CFH: variants seen among roughly 807,000 people sequenced by gnomAD.
CFH encodes H factor 1 (complement).
A neutral mutation model predicts 147.3 loss-of-function variants in CFH; 53 were observed. That is an observed-to-expected ratio of 0.36 (90% CI 0.29 to 0.45). The LOEUF (loss-of-function observed/expected upper bound fraction) is 0.45. CFH is among the 20% of genes least tolerant of loss of function. CFH has a pLI of 1.00. For synonymous variants in CFH, 536 were observed against 489.4 expected, an observed-to-expected ratio of 1.10 and a Z score of -1.26; for missense variants, 1,380 against 1,498.0, an observed-to-expected ratio of 0.92 and a Z score of 1.30.
intron 1 of CFH, among the ~76,000 whole-genome samples, chr1:196,671,455 T>C (rs1246789470): frequency 6.6e-6 from 1 of 151,972 alleles, no homozygotes; most frequent in African/African-American, 2.4e-5. Flanking sequence ...CTCAAAAATT[T>C]AACTCAGAGG....
Position 196,689,523 on chromosome 1 carries a change from C to T in CFH, c.1068C>T (p.Tyr356=). The T allele has an allele frequency of 1.9e-6, 3 of 1,613,558 alleles. No homozygotes were observed. The highest frequency in any genetic ancestry group is 1.7e-6 in the Non-Finnish European group (2 of 1,179,682). ...PVAVGKYYSY[Y]CDEHFETPSG... Reference sequence around the variant, plus strand: ...CTGTAGGAAAATATTACTCCTATTACTGTGATGAACATTTTGAGACTCCGT... The same window carrying T: ...CTGTAGGAAAATATTACTCCTATTATTGTGATGAACATTTTGAGACTCCGT... The change falls in exon 8 of 22, where the codon TAC becomes TAT. Residue 356 remains tyrosine (Y), a synonymous_variant. Transcript: ENST00000367429.
intron 9 of CFH, among the ~76,000 whole-genome samples, chr1:196,703,438 A>G (rs1668510035): frequency 6.6e-6 from 1 of 152,138 alleles, no homozygotes; most frequent in African/African-American, 2.4e-5. Context: ...AAGACCAGAA[A>G]TGGTAGCACC....
In CFH at chr1:196,715,616, A is replaced by T. The variant is rs750409718; in HGVS notation, c.1543A>T (p.Met515Leu). The T allele has an allele frequency of 1.2e-6, 2 of 1,612,456 alleles. No individual in the cohort carries two copies. The highest frequency in any genetic ancestry group is 1.7e-6 in the Non-Finnish European group (2 of 1,178,916). Residue 515 changes from methionine (M) to leucine (L), a missense_variant, in exon 11 of 22, where the codon ATG (methionine) becomes TTG (leucine). By Grantham distance (15) the Met-to-Leu change is conservative. Around this residue, in one of 4 missense-constraint regions of CFH, gnomAD observed 830 missense variants for 821.4 expected, o/e 1.01. Transcript: ENST00000367429. The part of the protein sequence containing the change: ...CIKSCDIPVF[M>L]NARTKNDFTW... ...AGAATCTTGTGATATCCCAGTATTTATGAATGCCAGAACTAAAAATGACTT... is the reference window on the plus strand; with the variant it reads ...AGAATCTTGTGATATCCCAGTATTTTTGAATGCCAGAACTAAAAATGACTT...
chr1:196,690,083 T>C lies in CFH; in HGVS notation c.1180T>C (p.Leu394=). 1 of 1,610,064 alleles carries C rather than the reference T, an allele frequency of 6.2e-7. No homozygotes were observed. The highest frequency in any genetic ancestry group is 8.5e-7 in the Non-Finnish European group (1 of 1,176,856). The part of the protein sequence containing the change: ...PCLRKCYFPY[L]ENGYNQNHGR... ...CTTAGGAAAATGTTATTTTCCTTAT[T>C]TGGAAAATGGATATAATCAAAATCA... is the stretch of plus-strand genomic sequence containing the variant. Residue 394 remains leucine, a synonymous_variant, in exon 9 of 22, where the codon TTG becomes CTG. Transcript: ENST00000367429.
intron 10 of CFH, 76 bp downstream of exon 10, chr1:196,713,993 G>A (rs1668785350): frequency 7.8e-7 from 1 of 1,286,920 alleles, no homozygotes; most frequent in South Asian, 1.3e-5. Context: ...TTTTTGTGGG[G>A]GCTGATATAA....
chr1:196,660,062 G>C (rs1666849676), intron 1 of CFH, among the ~76,000 whole-genome samples: 1 of 152,110 alleles, frequency 6.6e-6, no homozygotes, highest in Admixed American at 6.5e-5. Context: ...TAGAGATGGG[G>C]ATGGTAGTAT....
intron 9 of CFH, among the ~76,000 whole-genome samples, chr1:196,703,897 C>T (rs1038873756): frequency 2.4e-4 from 33 of 139,716 alleles, no homozygotes; most frequent in Admixed American, 1.6e-4. Flanking sequence ...GGCAGAAGAA[C>T]GGCGTGAATC....
At chr1:196,691,210 A>G (rs1477112477) in intron 9 of CFH, among the ~76,000 whole-genome samples, 1 of 152,134 alleles carries the variant, frequency 6.6e-6, no homozygotes, top group Non-Finnish European at 1.5e-5. Context: ...ATACAATTAT[A>G]GTTTAAAATA....
intron 5 of CFH, 106 bp downstream of exon 5, chr1:196,677,773 G>A: frequency 9.4e-7 from 1 of 1,068,446 alleles, no homozygotes; most frequent in African/African-American, 1.6e-5. Context: ...AATAGCTAAT[G>A]TTTATTGAGC....
intron 9 of CFH, among the ~76,000 whole-genome samples, chr1:196,703,947 T>C (rs1006189442): frequency 1.7e-5 from 2 of 118,546 alleles, no homozygotes; most frequent in African/African-American, 3.4e-5. Context: ...ATCATGCCAC[T>C]GCACTCCAGC....
chr1:196,719,797 T>A (rs1668956287), intron 11 of CFH, among the ~76,000 whole-genome samples: 1 of 151,762 alleles, frequency 6.6e-6, no homozygotes, highest in Non-Finnish European at 1.5e-5. Context: ...AAATAGTACA[T>A]ATAACAAAAA....
rs1573079762 is a variant in CFH, at chr1:196,740,630, A to C, written c.2794A>C (p.Lys932Gln). ...TCTTTTTTTTTTAGGCCTTCCTTGT[A>C]AATCTCCACCTGAGATTTCTCATGG... ...SPPQCEGLPC[K>Q]SPPEISHGVV... is the part of the protein sequence containing the mutation. Residue 932 changes from lysine (K) to glutamine (Q), a missense_variant, in exon 18 of 22, where the codon AAA becomes CAA. This residue lies in a region of CFH where 830 missense variants were observed against 821.4 expected (regional missense o/e 1.01). Coordinates refer to ENST00000367429, the MANE Select transcript of CFH (RefSeq NM_000186.4). 4 of 1,613,658 alleles carry C rather than the reference A, an allele frequency of 2.5e-6. No homozygotes were observed. The highest frequency in any genetic ancestry group is 3.4e-6 in the Non-Finnish European group (4 of 1,179,850).
At chr1:196,683,630 T>G (rs1227506881) in intron 6 of CFH, among the ~76,000 whole-genome samples, 1 of 151,212 alleles carries the variant, frequency 6.6e-6, no homozygotes, top group Non-Finnish European at 1.5e-5. Flanking sequence ...AGGGAAGGAA[T>G]AAACAATGGT....
chr1:196,702,314 A>G (rs1448305674), intron 9 of CFH, among the ~76,000 whole-genome samples: 1 of 151,982 alleles, frequency 6.6e-6, no homozygotes, highest in East Asian at 1.9e-4. Context: ...TCTTATACCC[A>G]ACAGGGAACT....
At chr1:196,656,235 C>T (rs544496565) in intron 1 of CFH, among the ~76,000 whole-genome samples, 16 of 148,928 alleles carry the variant, frequency 1.1e-4, no homozygotes, top group East Asian at 6.0e-4. Flanking sequence ...ATCAGGGAGG[C>T]GGAGGTTGCA....
rs1223248547 is a variant in CFH, at chr1:196,747,156, C to A, written c.3539C>A (p.Ala1180Glu). 1 of 1,613,718 alleles carries A rather than the reference C, an allele frequency of 6.2e-7. No individual in the cohort carries two copies. ...SREIMENYNI[A>E]LRWTAKQKLY... is the part of the protein sequence containing the mutation. ...GAAATTATGGAAAATTATAACATAG[C>A]ATTAAGGTGGACAGCCAAACAGAAG... is the stretch of plus-strand genomic sequence containing the variant. The change falls in exon 22 of 22, where the codon GCA becomes GAA. Residue 1180 changes from alanine (A) to glutamate (E), a missense_variant. Physicochemically the swap from Ala to Glu is moderately radical, Grantham distance 107 (BLOSUM62 -1). Coordinates refer to ENST00000367429, the MANE Select transcript of CFH (RefSeq NM_000186.4).
intron 18 of CFH, chr1:196,741,117 C>A: frequency 3.2e-6 from 1 of 313,422 alleles, no homozygotes; most frequent in Non-Finnish European, 6.0e-6. Flanking sequence ...CAACAATCTG[C>A]CTATAAGTAC....
chr1:196,723,967 C>A (rs1669064951), intron 11 of CFH, among the ~76,000 whole-genome samples: 1 of 151,994 alleles, frequency 6.6e-6, no homozygotes, highest in African/African-American at 2.4e-5. Context: ...CGTGCCCAAG[C>A]GCTGGGACCA....
At chr1:196,708,856 G>A (rs926316789) in intron 9 of CFH, among the ~76,000 whole-genome samples, 5 of 152,122 alleles carry the variant, frequency 3.3e-5, no homozygotes. Context: ...AATATATCTG[G>A]TGGCAGAGCC....
Sources: allele counts gnomAD v4.1 joint callset (sites outside exome capture counted in the v4.1 genomes callset), GRCh38; gene constraint gnomAD v4.1.1; regional missense constraint gnomAD v4.1.1; transcripts MANE v1.5; gene names NCBI Gene and HGNC (gene_info 2026-07-23, HGNC 2026-07-21).